Variants in CHST3 observed in about 807,000 individuals in gnomAD.
The protein encoded by CHST3 is C6ST-1.
In CHST3, 20 loss-of-function variants were observed where a neutral mutation model predicts 35.4. The ratio of observed to expected loss-of-function variants is 0.57; its 90% CI spans 0.40 to 0.82. The LOEUF is 0.82. CHST3 is among the 40% of genes least tolerant of loss of function. The pLI is 0.00. For synonymous variants in CHST3, 334 were observed against 295.9 expected, an observed-to-expected ratio of 1.13 and a Z score of -1.32; for missense variants, 693 against 670.1, an observed-to-expected ratio of 1.03 and a Z score of -0.38.
chr10:71,992,342 C>T (rs1839904299), intron 1 of CHST3, among the ~76,000 whole-genome samples: 1 of 152,126 alleles, frequency 6.6e-6, no homozygotes, highest in African/African-American at 2.4e-5. Flanking sequence ...CACACCCAGC[C>T]TATGTTTTTA....
At chr10:71,999,645 G>A (rs887291330) in intron 1 of CHST3, among the ~76,000 whole-genome samples, 79 of 152,104 alleles carry the variant, frequency 5.2e-4, no homozygotes, top group Admixed American at 1.2e-3. Flanking sequence ...TATCACAGCC[G>A]ACTTGCTGGG....
At chr10:71,978,199 G>C (rs779398716) in intron 1 of CHST3, among the ~76,000 whole-genome samples, 2 of 152,136 alleles carry the variant, frequency 1.3e-5, no homozygotes, top group Admixed American at 1.3e-4. Flanking sequence ...TGACCAACAA[G>C]GTGATACCCC....
chr10:71,991,935 G>GA (rs59877520), intron 1 of CHST3, among the ~76,000 whole-genome samples: 88,047 of 148,440 alleles, frequency 0.59, 26,120 homozygotes, highest in African/African-American at 0.67. Flanking sequence ...AACTCTGTCT[G>GA]AAAAAAAAAA....
chr10:71,990,014 C>T (rs561942302), intron 1 of CHST3, among the ~76,000 whole-genome samples: 4 of 152,350 alleles, frequency 2.6e-5, no homozygotes, highest in Admixed American at 2.0e-4. Flanking sequence ...TGCCTATTAA[C>T]ATGCATTAAT....
At position 72,005,699 on chromosome 10, in the gene CHST3, A is replaced by T. The variant is rs565827465; in HGVS notation, c.-107-37A>T. On this transcript the variant is annotated intron_variant, in intron 1 of 2. Transcript: ENST00000373115. ...GAGACATCCTCTGCATTCCTCGTGT[A>T]CAGACAAGGGTGTTCTGACCACCTG... 3 of 979,976 alleles carry T rather than the reference A, an allele frequency of 3.1e-6. No homozygotes were observed. In the East Asian group the frequency reaches 7.6e-5, roughly 25 times the overall value. 60.7% of individuals were successfully genotyped at this position (979,976 alleles called of 1,614,324 possible). A position where few individuals can be genotyped will look rare whatever the true frequency, so the allele number is the denominator to read the frequency against.
intron 1 of CHST3, among the ~76,000 whole-genome samples, chr10:71,983,274 T>C (rs1839817960): frequency 6.6e-6 from 1 of 152,132 alleles, no homozygotes; most frequent in Admixed American, 6.5e-5. Flanking sequence ...GCAACCCAGC[T>C]CCCATTGAGA....
chr10:71,988,221 A>G (rs1429735395), intron 1 of CHST3, among the ~76,000 whole-genome samples: 1 of 152,248 alleles, frequency 6.6e-6, no homozygotes, highest in Non-Finnish European at 1.5e-5. Flanking sequence ...TGAGGGAAGA[A>G]AAAGGACTCC....
In CHST3 at chr10:71,965,179, G is replaced by A. The variant is rs1839617460; in HGVS notation, c.-108+485G>A. ...CTTGTGGCCAGAACCCCGAGACCAA[G>A]GGGAGCAGATGTTGCAGTCGGTTCT... On this transcript the variant is annotated intron_variant, in intron 1 of 2. Transcript: ENST00000373115. Among the ~76,000 whole-genome samples the A allele has an allele frequency of 2.0e-5, 3 of 152,262 alleles. No individual in the cohort carries two copies. In the South Asian group the frequency reaches 6.2e-4, roughly 31 times the overall value.
chr10:72,003,423 G>C (rs1840011252), intron 1 of CHST3, among the ~76,000 whole-genome samples: 1 of 152,224 alleles, frequency 6.6e-6, no homozygotes, highest in Non-Finnish European at 1.5e-5. Flanking sequence ...TCCTATGCCA[G>C]GCACAGTGGC....
intron 1 of CHST3, among the ~76,000 whole-genome samples, chr10:72,001,813 G>A (rs1003681659): frequency 3.3e-5 from 5 of 152,174 alleles, no homozygotes; most frequent in African/African-American, 7.2e-5. Flanking sequence ...GGGACCAAGA[G>A]AAGGAGGAAG....
rs368402654 is a variant in CHST3 at position 71,993,448 on chromosome 10, A to C, written c.-107-12288A>C. Reference sequence around the variant, plus strand: ...CCCTCAAAATCATCCACATGGATCCACTTCCTCCATCCACTTCTTAGCATC... The same window carrying C: ...CCCTCAAAATCATCCACATGGATCCCCTTCCTCCATCCACTTCTTAGCATC... On this transcript the variant is annotated intron_variant, in intron 1 of 2. Transcript: ENST00000373115. 2.0e-5 allele frequency among the ~76,000 whole-genome samples: 3 copies of C among 152,338 alleles called. No homozygotes were observed. The East Asian group carries it at 5.8e-4, about 29-fold the overall frequency.
At position 71,976,196 on chromosome 10, in the gene CHST3, T is replaced by C. The variant is rs1839743779; in HGVS notation, c.-108+11502T>C. ...GCACTTTTGAAGCCATAGAGGCCCTTTCCAGGCTTTGGAAAATGTTCCTTC... is the reference window on the plus strand; with the variant it reads ...GCACTTTTGAAGCCATAGAGGCCCTCTCCAGGCTTTGGAAAATGTTCCTTC... On this transcript the variant is annotated intron_variant, in intron 1 of 2. Transcript: ENST00000373115. Among the ~76,000 whole-genome samples, 3 of 152,306 alleles carry C rather than the reference T, an allele frequency of 2.0e-5. No homozygotes were observed. In the South Asian group the frequency reaches 6.2e-4, roughly 32 times the overall value.
At chr10:71,995,812 T>C (rs1257282854) in intron 1 of CHST3, among the ~76,000 whole-genome samples, 3 of 152,148 alleles carry the variant, frequency 2.0e-5, no homozygotes, top group Non-Finnish European at 4.4e-5. Flanking sequence ...CAACAATCAC[T>C]GATCACAGAT....
In CHST3 at chr10:72,008,411, C is replaced by T. The variant is rs369055984; in HGVS notation, c.1380C>T (p.Ala460=). 4.5e-6 allele frequency: 7 copies of T among 1,572,388 alleles called. No individual in the cohort carries two copies. The African/African-American group carries it at 8.1e-5, about 18-fold the overall frequency. The change falls in exon 3 of 3, where the codon GCC becomes GCT. Residue 460 remains alanine (A), a synonymous_variant. Transcript: ENST00000373115. ...GCTACAAACTGGCGCGGGACGCCGC[C>T]GCCCTCACCAACCGCTCAGTCAGCC... is the stretch of plus-strand genomic sequence containing the variant. ...LFGYKLARDA[A]ALTNRSVSLL...
Position 72,007,334 on chromosome 10 carries a change from G to T in CHST3, c.303G>T (p.Leu101=). The T allele has an allele frequency of 6.2e-7, 1 of 1,610,524 alleles. No homozygotes were observed. The change falls in exon 3 of 3, where the codon CTG becomes CTT. Residue 101 remains leucine, a synonymous_variant. Transcript: ENST00000373115. ...GTCTCCGCAACCTCAGCTTGCAGCT[G>T]GGCGTGGAGCCAGCCATGGAGGCCG... is the stretch of plus-strand genomic sequence containing the variant. ...QSRLRNLSLQ[L]GVEPAMEAAG... is the part of the protein sequence containing the mutation.
chr10:71,969,632 C>T (rs1387754684), intron 1 of CHST3, among the ~76,000 whole-genome samples: 1 of 152,240 alleles, frequency 6.6e-6, no homozygotes, highest in African/African-American at 2.4e-5. Flanking sequence ...CTGGAGCCCT[C>T]TCCCCCTCCA....
At chr10:71,986,538 A>T (rs917495316) in intron 1 of CHST3, among the ~76,000 whole-genome samples, 2 of 152,222 alleles carry the variant, frequency 1.3e-5, no homozygotes, top group Non-Finnish European at 2.9e-5. Flanking sequence ...CCCATCTGTC[A>T]GCTTTGGCCC....
At chr10:71,997,049 T>C (rs776210547) in intron 1 of CHST3, among the ~76,000 whole-genome samples, 4 of 152,090 alleles carry the variant, frequency 2.6e-5, no homozygotes, top group East Asian at 1.9e-4. Context: ...TTTATTGTGG[T>C]CAAATGTACA....
chr10:72,006,230 A>T (rs991439660), intron 2 of CHST3, among the ~76,000 whole-genome samples: 2 of 152,216 alleles, frequency 1.3e-5, no homozygotes, highest in African/African-American at 4.8e-5. Context: ...CAGCTGTGAA[A>T]GGTTAGACAA....
Sources: allele counts gnomAD v4.1 joint callset (sites outside exome capture counted in the v4.1 genomes callset), GRCh38; gene constraint gnomAD v4.1.1; transcripts MANE v1.5; gene names NCBI Gene and HGNC (gene_info 2026-07-23, HGNC 2026-07-21).